The following ESRRG variants were observed in gnomAD, a reference collection of about 807,000 sequenced individuals.
The protein encoded by ESRRG is estrogen related receptor gamma, also known as estrogen-related receptor gamma.
ESRRG carries 13 observed loss-of-function variants against 44.0 expected under a neutral mutation model. The observed-to-expected ratio is 0.30, with a 90% CI of 0.19 to 0.47. The LOEUF (loss-of-function observed/expected upper bound fraction) is 0.47, where lower values mean the gene tolerates loss of function less well. Ranked by LOEUF, ESRRG falls within the 20% of genes least tolerant of loss-of-function variation. The pLI is 1.00. For synonymous variants in ESRRG, 215 were observed against 214.6 expected, an observed-to-expected ratio of 1.00 and a Z score of -0.02; for missense variants, 395 against 580.6, an observed-to-expected ratio of 0.68 and a Z score of 3.29.
chr1:216,948,311 C>G (rs1267728085), intron 1 of ESRRG, among the ~76,000 whole-genome samples: 2 of 151,660 alleles, frequency 1.3e-5, no homozygotes, highest in Non-Finnish European at 2.9e-5. Context: ...AATCTCAGCA[C>G]TTTGCGAGGC....
chr1:216,613,751 C>T (rs979437850), intron 3 of ESRRG, among the ~76,000 whole-genome samples: 1 of 152,190 alleles, frequency 6.6e-6, no homozygotes, highest in African/African-American at 2.4e-5. Flanking sequence ...CTTTATCATT[C>T]TTCTTTTTCT....
chr1:216,676,689 A>C (rs2076168597), intron 2 of ESRRG, among the ~76,000 whole-genome samples: 5 of 152,218 alleles, frequency 3.3e-5, no homozygotes, highest in African/African-American at 9.7e-5. Context: ...TTTGGAAATC[A>C]CTGGTCTAAA....
chr1:216,820,241 G>C (rs2095257410), intron 2 of ESRRG, among the ~76,000 whole-genome samples: 1 of 152,154 alleles, frequency 6.6e-6, no homozygotes, highest in Non-Finnish European at 1.5e-5. Context: ...GAGATAAACT[G>C]AGAATTCAGT....
At position 216,775,971 on chromosome 1, in the gene ESRRG, G is replaced by C. The variant is rs180858103; in HGVS notation, c.-13-98480C>G. Among the ~76,000 whole-genome samples, 170 of 152,004 alleles carry C rather than the reference G, an allele frequency of 1.1e-3. 1 individual carries two copies. The highest frequency in any genetic ancestry group is 2.8e-4 in the Non-Finnish European group (19 of 67,970). On this transcript the variant is annotated intron_variant, in intron 2 of 7. Transcript: ENST00000359162. ...CCTCTCACCAACACCATTGCAAAAG[G>C]CTTCCTATAAGTGATTTCCAGTTTA...
At chr1:216,617,039 A>T (rs1335952826) in intron 3 of ESRRG, among the ~76,000 whole-genome samples, 4 of 152,192 alleles carry the variant, frequency 2.6e-5, no homozygotes, top group African/African-American at 9.6e-5. Flanking sequence ...CTGTCAGATG[A>T]CATTTTCATA....
At chr1:216,680,302 A>G (rs1281711631) in intron 1 of ESRRG, among the ~76,000 whole-genome samples, 1 of 152,214 alleles carries the variant, frequency 6.6e-6, no homozygotes, top group Non-Finnish European at 1.5e-5. Flanking sequence ...TAGGAAACCG[A>G]GCCTCAGACC....
chr1:216,825,284 C>T (rs1422677627), intron 2 of ESRRG, among the ~76,000 whole-genome samples: 1 of 152,172 alleles, frequency 6.6e-6, no homozygotes, highest in Non-Finnish European at 1.5e-5. Flanking sequence ...GCCTAAGCCT[C>T]AGAAGAACAG....
chr1:216,690,268 G>A (rs1338534228), intron 1 of ESRRG, among the ~76,000 whole-genome samples: 1 of 151,938 alleles, frequency 6.6e-6, no homozygotes, highest in Non-Finnish European at 1.5e-5. Context: ...TGTGGTGTGT[G>A]TGTGTGTGTT....
At chr1:216,615,212 T>A (rs999970264) in intron 3 of ESRRG, among the ~76,000 whole-genome samples, 1 of 152,194 alleles carries the variant, frequency 6.6e-6, no homozygotes, top group African/African-American at 2.4e-5. Flanking sequence ...AAAAGACTTT[T>A]GTTGACCACA....
intron 2 of ESRRG, among the ~76,000 whole-genome samples, chr1:216,833,464 T>C (rs2095517517): frequency 6.6e-6 from 1 of 152,184 alleles, no homozygotes; most frequent in African/African-American, 2.4e-5. Flanking sequence ...TGTAGATTTG[T>C]AGGCTTTATG....
intron 3 of ESRRG, among the ~76,000 whole-genome samples, chr1:216,638,072 A>G (rs1440280523): frequency 6.6e-6 from 1 of 152,204 alleles, no homozygotes; most frequent in Admixed American, 6.5e-5. Context: ...ACTAGGTGCC[A>G]TGAAAGACTA....
chr1:216,804,654 A>T (rs1419030387), intron 2 of ESRRG, among the ~76,000 whole-genome samples: 7 of 150,870 alleles, frequency 4.6e-5, no homozygotes, highest in African/African-American at 1.7e-4. Flanking sequence ...TTTTTTTTTT[A>T]AATGACCAAA....
chr1:216,977,341 T>TATACACACACAC (rs146010546), intron 1 of ESRRG, among the ~76,000 whole-genome samples: 10,766 of 143,904 alleles, frequency 0.075, 1,020 homozygotes, highest in African/African-American at 0.22. Context: ...GGAGGATACA[T>TATACACACACAC]ACACACACAC....
At chr1:216,507,701 A>G (rs1340630882) in intron 6 of ESRRG, among the ~76,000 whole-genome samples, 1 of 152,212 alleles carries the variant, frequency 6.6e-6, no homozygotes, top group Non-Finnish European at 1.5e-5. Flanking sequence ...CACTATACAG[A>G]AATCACAATA....
chr1:216,682,709 A>AGTGTGTGTGTCTGTGT (rs2077225747), intron 1 of ESRRG, among the ~76,000 whole-genome samples: 1 of 144,662 alleles, frequency 6.9e-6, no homozygotes, highest in African/African-American at 2.6e-5. Context: ...AATACTCTAT[A>AGTGTGTGTGTCTGTGT]GTGTGTGTGT....
Position 217,065,774 on chromosome 1 carries a change from C to T in ESRRG, c.-106+23733G>A, listed in dbSNP as rs75487991. On this transcript the variant is annotated intron_variant, in intron 1 of 7. Coordinates refer to the ESRRG transcript ENST00000359162. ...TTACACAATAGTTTTCTTTTTCTCC[C>T]TCTAGAAGCAAATATAAACCTACTT... 7.5e-3 allele frequency among the ~76,000 whole-genome samples: 1,143 copies of T among 152,304 alleles called. 10 individuals are homozygous for T. Among genetic ancestry groups the T allele is most frequent in the African/African-American group, 0.026 (1,091 of 41,558 alleles).
chr1:216,516,904 G>A (rs1185116912), intron 6 of ESRRG, among the ~76,000 whole-genome samples: 3 of 152,072 alleles, frequency 2.0e-5, no homozygotes, highest in African/African-American at 7.2e-5. Context: ...GACTTTCTGA[G>A]TTGTTTACCC....
chr1:216,774,811 T>TTTTTTTTTTTTTTTTTG (rs1559583231), intron 2 of ESRRG, among the ~76,000 whole-genome samples: 1 of 149,214 alleles, frequency 6.7e-6, no homozygotes, highest in Admixed American at 6.7e-5. Flanking sequence ...TTTTTTTTTT[T>TTTTTTTTTTTTTTTTTG]AAGACAGAAT....
chr1:216,694,069 A>G (rs2079607915), intron 1 of ESRRG, among the ~76,000 whole-genome samples: 1 of 152,230 alleles, frequency 6.6e-6, no homozygotes, highest in Non-Finnish European at 1.5e-5. Context: ...TAAAATGATT[A>G]TAAGATTTTT....
Sources: gnomAD v4.1 joint callset for allele counts (sites outside exome capture counted in the v4.1 genomes callset) on GRCh38, gnomAD v4.1.1 for gene constraint, MANE v1.5 for transcripts, NCBI Gene and HGNC (gene_info 2026-07-23, HGNC 2026-07-21) for gene names.